RYR3: variants seen among roughly 807,000 people sequenced by gnomAD.
RYR3 encodes brain ryanodine receptor-calcium release channel.
A neutral mutation model predicts 584.3 loss-of-function variants in RYR3; 207 were observed. That is an observed-to-expected ratio of 0.35 (90% CI 0.32 to 0.40). The LOEUF (loss-of-function observed/expected upper bound fraction) is 0.40, where lower values mean the gene tolerates loss of function less well. RYR3 is among the 10% of genes least tolerant of loss of function. The pLI is 1.00. For synonymous variants in RYR3, 2,416 were observed against 2,248.5 expected, an observed-to-expected ratio of 1.07 and a Z score of -2.11; for missense variants, 5,616 against 6,089.2, an observed-to-expected ratio of 0.92 and a Z score of 2.59.
chr15:33,719,307 G>C (rs1053468264), intron 43 of RYR3, among the ~76,000 whole-genome samples: 1 of 152,168 alleles, frequency 6.6e-6, no homozygotes, highest in African/African-American at 2.4e-5. Flanking sequence ...TTGGGCAAAT[G>C]AATTTCAATC....
intron 60 of RYR3, 30 bp from the exon 61 acceptor site, chr15:33,768,628 C>A: frequency 6.2e-7 from 1 of 1,610,228 alleles, no homozygotes; most frequent in Non-Finnish European, 8.5e-7. Context: ...ATCTCTGTGA[C>A]TTTCTGAATT....
At chr15:33,408,011 ATT>A (rs5811757) in intron 1 of RYR3, among the ~76,000 whole-genome samples, 11,712 of 149,720 alleles carry the variant, frequency 0.078, 505 homozygotes, top group African/African-American at 0.093. Flanking sequence ...TTAAACTTGA[ATT>A]TTTTTTTTTT....
intron 19 of RYR3, among the ~76,000 whole-genome samples, chr15:33,619,584 C>T (rs1381456026): frequency 6.6e-6 from 1 of 152,126 alleles, no homozygotes; most frequent in East Asian, 1.9e-4. Flanking sequence ...TCGGGTAGGT[C>T]CTGTAGCTTT....
In RYR3 at chr15:33,724,050, T is replaced by C; in HGVS notation, c.6801-15T>C. On this transcript the variant is annotated splice_polypyrimidine_tract_variant and intron_variant, in intron 44 of 103. Transcript: ENST00000634891. ...GCCAACCTTCCTCACACCTCCCCTC[T>C]GTTGGTTCTCTCAGCAGCACGGGGG... is the stretch of plus-strand genomic sequence containing the variant. 6.7e-7 allele frequency: 1 copy of C among 1,493,660 alleles called. No individual in the cohort carries two copies. Among genetic ancestry groups the C allele is most frequent in the Non-Finnish European group, 9.3e-7 (1 of 1,071,392 alleles). 92.5% of individuals were successfully genotyped at this position (1,493,660 alleles called of 1,614,324 possible).
chr15:33,783,337 C>G (rs970841128), intron 65 of RYR3, among the ~76,000 whole-genome samples: 1 of 152,196 alleles, frequency 6.6e-6, no homozygotes, highest in African/African-American at 2.4e-5. Flanking sequence ...AAAGATTCCC[C>G]CTAACAGTCT....
intron 62 of RYR3, 31 bp from the exon 63 acceptor site, chr15:33,771,889 G>C (rs376702764): frequency 1.7e-4 from 264 of 1,528,884 alleles, no homozygotes; most frequent in Middle Eastern, 3.4e-4. Flanking sequence ...TTCAGATTAT[G>C]CTTCTAGATT....
At position 33,695,947 on chromosome 15, in the gene RYR3, C is replaced by CTTTT. The variant is rs1165160004; in HGVS notation, c.5861-247_5861-244dup. On this transcript the variant is annotated intron_variant, in intron 38 of 103. Coordinates refer to ENST00000634891, the MANE Select transcript of RYR3 (RefSeq NM_001036.6). ...TACAGGCGTGTGCAACCACACCCAG[C>CTTTT]TTTTTTTTTTTTTTTTTTTTTTTTT... Among the ~76,000 whole-genome samples the CTTTT allele has an allele frequency of 2.7e-4, 26 of 95,466 alleles. 2 individuals are homozygous for CTTTT. In the East Asian group the frequency reaches 5.1e-3, roughly 19 times the overall value. 62.6% of individuals were successfully genotyped at this position (95,466 alleles called of 152,430 possible). A position where few individuals can be genotyped will look rare whatever the true frequency, so the allele number is the denominator to read the frequency against.
At position 33,780,327 on chromosome 15, in the gene RYR3, C is replaced by G. The variant is rs61996335; in HGVS notation, c.9254C>G (p.Pro3085Arg). The change falls in exon 65 of 104, where the codon CCC (proline) becomes CGC (arginine). Residue 3085 changes from proline (P) to arginine (R), a missense_variant. By Grantham distance (103) the Pro-to-Arg change is moderately radical. Coordinates refer to ENST00000634891, the MANE Select transcript of RYR3 (RefSeq NM_001036.6). Reference sequence around the variant, plus strand: ...CTCTCGGTCTTCAACACCAAAACCCCCAGGGAGAGGTCTAGTAAGTATCTC... The same window carrying G: ...CTCTCGGTCTTCAACACCAAAACCCGCAGGGAGAGGTCTAGTAAGTATCTC... ...NPLSVFNTKT[P>R]RERSILGMPD... The G allele has an allele frequency of 4.0e-3, 6,432 of 1,613,820 alleles. 21 individuals carry two copies. Among genetic ancestry groups the G allele is most frequent in the Non-Finnish European group, 4.8e-3 (5,675 of 1,179,782 alleles).
At position 33,864,018 on chromosome 15, in the gene RYR3, T is replaced by TTAAGTCACTGTAGATAGCG; in HGVS notation, c.14466-118_14466-100dup. On this transcript the variant is annotated intron_variant, in intron 102 of 103. Coordinates refer to ENST00000634891, the MANE Select transcript of RYR3 (RefSeq NM_001036.6). ...CCTTATGCCACACTTCCCTGATCATTTAAGTCACTGTAGATAGCGTGGGAC... is the reference window on the plus strand; with the variant it reads ...CCTTATGCCACACTTCCCTGATCATTTAAGTCACTGTAGATAGCGTAAGTCACTGTAGATAGCGTGGGAC... 4.6e-6 allele frequency: 3 copies of TTAAGTCACTGTAGATAGCG among 659,272 alleles called. No homozygotes were observed. The South Asian group carries it at 5.8e-5, about 13-fold the overall frequency. 40.8% of individuals were successfully genotyped at this position (659,272 alleles called of 1,614,324 possible).
chr15:33,369,214 G>A (rs77078245), intron 1 of RYR3, among the ~76,000 whole-genome samples: 6,004 of 152,232 alleles, frequency 0.039, 160 homozygotes, highest in Non-Finnish European at 0.061. Flanking sequence ...AGGCAGCCTG[G>A]CTCCAGGACC....
At chr15:33,803,514 ATCTT>A (rs1200093318) in intron 69 of RYR3, among the ~76,000 whole-genome samples, 1 of 151,664 alleles carries the variant, frequency 6.6e-6, no homozygotes, top group Non-Finnish European at 1.5e-5. Context: ...ATTCCATACT[ATCTT>A]TTTTTTTTAA....
intron 1 of RYR3, among the ~76,000 whole-genome samples, chr15:33,358,095 A>G (rs1452061721): frequency 6.6e-6 from 1 of 152,224 alleles, no homozygotes. Flanking sequence ...AGTCATGGGA[A>G]GAGTATGGAG....
chr15:33,843,683 T>G, intron 92 of RYR3, 109 bp downstream of exon 92: 1 of 757,662 alleles, frequency 1.3e-6, no homozygotes, highest in East Asian at 2.8e-5. Context: ...GCAAACATTC[T>G]AATAGGTAGC....
chr15:33,727,679 C>T (rs1466980419), intron 46 of RYR3, among the ~76,000 whole-genome samples: 2 of 152,194 alleles, frequency 1.3e-5, no homozygotes, highest in African/African-American at 2.4e-5. Flanking sequence ...TGGAACCTGA[C>T]GCTGATTCCT....
At chr15:33,381,863 C>A (rs542229345) in intron 1 of RYR3, among the ~76,000 whole-genome samples, 8 of 152,296 alleles carry the variant, frequency 5.3e-5, no homozygotes, top group Admixed American at 1.3e-4. Context: ...AGACTCGCCC[C>A]ATCTTCTTTT....
intron 59 of RYR3, 64 bp downstream of exon 59, chr15:33,756,437 G>T: frequency 1.7e-6 from 2 of 1,159,278 alleles, no homozygotes; most frequent in Non-Finnish European, 1.3e-6. Flanking sequence ...TAGGAAACAG[G>T]TTAAGTGGAT....
intron 1 of RYR3, among the ~76,000 whole-genome samples, chr15:33,448,819 C>A (rs1167368819): frequency 6.6e-6 from 1 of 151,888 alleles, no homozygotes; most frequent in Non-Finnish European, 1.5e-5. Flanking sequence ...GCAGTCAGCT[C>A]CTGAGGGTCA....
chr15:33,618,909 C>T (rs576771567), intron 19 of RYR3, among the ~76,000 whole-genome samples: 120 of 152,262 alleles, frequency 7.9e-4, no homozygotes, highest in African/African-American at 2.7e-3. Context: ...ACCCATCTCT[C>T]CTGCAAATTA....
intron 74 of RYR3, chr15:33,815,567 A>G (rs138770223): frequency 1.2e-4 from 33 of 281,330 alleles, no homozygotes; most frequent in African/African-American, 6.5e-4. Flanking sequence ...TAAGTCTAGG[A>G]ATTCACTATG....
Sources: gnomAD v4.1 joint callset for allele counts (sites outside exome capture counted in the v4.1 genomes callset) on GRCh38, gnomAD v4.1.1 for gene constraint, MANE v1.5 for transcripts, NCBI Gene and HGNC (gene_info 2026-07-23, HGNC 2026-07-21) for gene names.